Variants in UNG observed in about 807,000 individuals in gnomAD.
UNG encodes uracil-DNA glycosylase.
UNG carries 34 observed loss-of-function variants against 36.5 expected under a neutral mutation model. The observed-to-expected ratio is 0.93, with a 90% CI of 0.71 to 1.24. The LOEUF (loss-of-function observed/expected upper bound fraction) is 1.24. Among genes scored for constraint, UNG ranks in the 50% most tolerant of loss-of-function variants. The pLI, the probability that UNG is intolerant of heterozygous loss-of-function variation, is 0.00. For synonymous variants in UNG, 172 were observed against 157.8 expected (o/e 1.09, Z -0.67); for missense variants, 391 against 397.6 (o/e 0.98, Z 0.14).
rs368693705 is a variant in UNG, at chr12:109,100,902, CTAGG to C, written c.436-998_436-995del. 4.5e-3 allele frequency among the ~76,000 whole-genome samples: 691 copies of C among 152,194 alleles called. 5 individuals carry two copies. Among genetic ancestry groups the C allele is most frequent in the African/African-American group, 0.016 (662 of 41,516 alleles). On this transcript the variant is annotated intron_variant, in intron 3 of 6. Coordinates refer to ENST00000242576, the MANE Select transcript of UNG (RefSeq NM_080911.3). ...AATGGCAGAAGCTTGAGAATGAAGA[CTAGG>C]TGGGTGGGCCCTGGATGGGAAGGAC...
At chr12:109,108,560 A>G (rs1038183198) in intron 6 of UNG, among the ~76,000 whole-genome samples, 8 of 152,128 alleles carry the variant, frequency 5.3e-5, no homozygotes, top group Non-Finnish European at 1.0e-4. Flanking sequence ...TGAGCCTAGG[A>G]GGTGGAGGCT....
intron 3 of UNG, among the ~76,000 whole-genome samples, chr12:109,100,278 A>G (rs1466009445): frequency 6.6e-6 from 1 of 152,066 alleles, no homozygotes; most frequent in African/African-American, 2.4e-5. Flanking sequence ...GTTGCCTGCC[A>G]CCTCTGTGAT....
chr12:109,102,927 G>A lies in UNG; in HGVS notation c.622G>A (p.Gly208Ser). ...AGATTTATCTGGGTGGGCCAAGCAAGGTAAGCCAGCGACTGCTAGATTTTT... is the reference window on the plus strand; with the variant it reads ...AGATTTATCTGGGTGGGCCAAGCAAAGTAAGCCAGCGACTGCTAGATTTTT... ...HGDLSGWAKQ[G>S]VLLLNAVLTV... The change falls in exon 5 of 7, where the codon GGT (glycine) becomes AGT (serine). Residue 208 changes from glycine (G) to serine (S), a missense_variant and splice_region_variant. Coordinates refer to ENST00000242576, the MANE Select transcript of UNG (RefSeq NM_080911.3). 1.3e-6 allele frequency: 2 copies of A among 1,582,266 alleles called. No individual in the cohort carries two copies. Among genetic ancestry groups the A allele is most frequent in the Non-Finnish European group, 8.7e-7 (1 of 1,153,508 alleles).
chr12:109,098,667 G>A, intron 2 of UNG, 29 bp downstream of exon 2: 1 of 1,612,926 alleles, frequency 6.2e-7, no homozygotes, highest in Non-Finnish European at 8.5e-7. Context: ...CTTCCATAAG[G>A]GTAAATGTGG....
intron 6 of UNG, among the ~76,000 whole-genome samples, chr12:109,108,874 G>A (rs770715510): frequency 2.0e-5 from 3 of 152,078 alleles, no homozygotes; most frequent in Non-Finnish European, 2.9e-5. Flanking sequence ...CCATGCAGTT[G>A]TCCTACCTTG....
intron 4 of UNG, among the ~76,000 whole-genome samples, chr12:109,102,443 A>C (rs1267031003): frequency 2.7e-5 from 4 of 150,548 alleles, no homozygotes; most frequent in African/African-American, 7.4e-5. Context: ...CTGCTACTGC[A>C]CTCTAGCCTG....
Position 109,102,895 on chromosome 12 carries a change from G to T in UNG, c.590G>T (p.Gly197Val). Residue 197 changes from glycine to valine, a missense_variant, in exon 5 of 7, where the codon GGC becomes GTC. Physicochemically the swap from Gly to Val is moderately radical, Grantham distance 109. Transcript: ENST00000242576. Reference sequence around the variant, plus strand: ...GACATAGAGGATTTTGTTCATCCTGGCCATGGAGATTTATCTGGGTGGGCC... The same window carrying T: ...GACATAGAGGATTTTGTTCATCCTGTCCATGGAGATTTATCTGGGTGGGCC... ...STDIEDFVHPGHGDLSGWAKQ... is the reference protein window; with the variant it reads ...STDIEDFVHPVHGDLSGWAKQ... The T allele has an allele frequency of 6.2e-7, 1 of 1,612,994 alleles. No individual in the cohort carries two copies.
intron 6 of UNG, among the ~76,000 whole-genome samples, chr12:109,107,448 T>A (rs1244179750): frequency 6.7e-6 from 1 of 149,082 alleles, no homozygotes; most frequent in Non-Finnish European, 1.5e-5. Context: ...TAAACGATCC[T>A]CCTGCCTCGG....
chr12:109,101,943 T>C lies in UNG; in HGVS notation c.477T>C (p.Pro159=). 6.2e-7 allele frequency: 1 copy of C among 1,614,120 alleles called. No individual in the cohort carries two copies. The highest frequency in any genetic ancestry group is 8.5e-7 in the Non-Finnish European group (1 of 1,180,010). Residue 159 remains proline (P), a synonymous_variant, in exon 4 of 7, where the codon CCT becomes CCC. Coordinates refer to ENST00000242576, the MANE Select transcript of UNG (RefSeq NM_080911.3). Reference sequence around the variant, plus strand: ...TGGGACAGGATCCATATCATGGACCTAATCAAGCTCACGGGCTCTGCTTTA... The same window carrying C: ...TGGGACAGGATCCATATCATGGACCCAATCAAGCTCACGGGCTCTGCTTTA... ...VILGQDPYHG[P]NQAHGLCFSV...
At position 109,097,739 on chromosome 12, in the gene UNG, C is replaced by T; in HGVS notation, c.60C>T (p.His20=). The change falls in exon 1 of 7, where the codon CAC becomes CAT. Residue 20 remains histidine, a synonymous_variant. Transcript: ENST00000242576. ...CCCCCAGCCCCGCCAGGAAGCGACA[C>T]GCCCCCAGCCCCGAGCCGGCCGTCC... The part of the protein sequence containing the change: ...FFSPSPARKR[H]APSPEPAVQG... 6.3e-7 allele frequency: 1 copy of T among 1,581,012 alleles called. No individual in the cohort carries two copies. The highest frequency in any genetic ancestry group is 1.1e-5 in the South Asian group (1 of 87,520).
At chr12:109,099,557 A>G (rs1048394148) in intron 3 of UNG, among the ~76,000 whole-genome samples, 7 of 152,096 alleles carry the variant, frequency 4.6e-5, no homozygotes, top group Non-Finnish European at 8.8e-5. Flanking sequence ...GCGGTGTCAG[A>G]TGTTATGGTG....
At chr12:109,101,371 T>C (rs756732222) in intron 3 of UNG, among the ~76,000 whole-genome samples, 3 of 151,210 alleles carry the variant, frequency 2.0e-5, no homozygotes, top group Non-Finnish European at 4.4e-5. Context: ...ATTACAGGCG[T>C]GAGCCACCAT....
At position 109,097,694 on chromosome 12, in the gene UNG, G is replaced by C. The variant is rs2042140632; in HGVS notation, c.15G>C (p.Lys5Asn). The C allele has an allele frequency of 6.2e-7, 1 of 1,603,874 alleles. No homozygotes were observed. The highest frequency in any genetic ancestry group is 2.3e-5 in the East Asian group (1 of 44,232). The change falls in exon 1 of 7, where the codon AAG (lysine) becomes AAC (asparagine). Residue 5 changes from lysine (K) to asparagine (N), a missense_variant. Physicochemically the swap from Lys to Asn is moderately conservative, Grantham distance 94. Transcript: ENST00000242576. The part of the protein sequence containing the change: MIGQ[K>N]TLYSFFSPSP... ...TCAGCTCCAGGATGATCGGCCAGAAGACGCTCTACTCCTTTTTCTCCCCCA... is the reference window on the plus strand; with the variant it reads ...TCAGCTCCAGGATGATCGGCCAGAACACGCTCTACTCCTTTTTCTCCCCCA...
chr12:109,104,174 T>C (rs1197097018), intron 6 of UNG, among the ~76,000 whole-genome samples: 1 of 151,984 alleles, frequency 6.6e-6, no homozygotes, highest in Non-Finnish European at 1.5e-5. Context: ...GCCTCCCGAG[T>C]AGCTGGGACT....
At chr12:109,109,441 C>T (rs2042242573) in intron 6 of UNG, among the ~76,000 whole-genome samples, 2 of 149,662 alleles carry the variant, frequency 1.3e-5, no homozygotes, top group Admixed American at 1.3e-4. Flanking sequence ...GGGAATCGCA[C>T]AGGGTCTTAA....
intron 6 of UNG, among the ~76,000 whole-genome samples, chr12:109,107,853 T>C (rs568738562): frequency 1.6e-4 from 25 of 152,126 alleles, no homozygotes; most frequent in African/African-American, 6.0e-4. Flanking sequence ...GCGAGATTTT[T>C]TTGTTTTTGT....
At chr12:109,098,231 G>T in intron 1 of UNG, 1 of 1,481,988 alleles carries the variant, frequency 6.7e-7, no homozygotes, top group Non-Finnish European at 8.9e-7. Context: ...CTCCCAGCCC[G>T]TCTCCCCGCT....
At chr12:109,104,780 G>T (rs1348115683) in intron 6 of UNG, among the ~76,000 whole-genome samples, 1 of 152,142 alleles carries the variant, frequency 6.6e-6, no homozygotes, top group African/African-American at 2.4e-5. Context: ...AAATTATAGA[G>T]TAAATGCTTC....
At chr12:109,098,300 C>T in intron 1 of UNG, 132 bp from the exon 2 acceptor site, 2 of 1,583,334 alleles carry the variant, frequency 1.3e-6, no homozygotes, top group Non-Finnish European at 1.7e-6. Context: ...CTCTTACTGT[C>T]CGCTTTTGCT....
Sources: allele counts gnomAD v4.1 joint callset (sites outside exome capture counted in the v4.1 genomes callset), GRCh38; gene constraint gnomAD v4.1.1; transcripts MANE v1.5; gene names NCBI Gene and HGNC (gene_info 2026-07-23, HGNC 2026-07-21).